The following ABCC8 variants were observed in gnomAD, a reference collection of about 807,000 sequenced individuals.
ABCC8 encodes ATP binding cassette subfamily C member 8.
Under a neutral mutation model 188.0 loss-of-function variants are expected in ABCC8, and 137 were observed. The observed-to-expected ratio is 0.73, with a 90% CI of 0.63 to 0.84. ABCC8 has a LOEUF of 0.84. ABCC8 is among the 40% of genes least tolerant of loss of function. The pLI is 0.00. For missense variants in ABCC8, 1,750 were observed against 2,072.7 expected, an observed-to-expected ratio of 0.84 and a Z score of 3.02; for synonymous variants, 797 against 846.5, an observed-to-expected ratio of 0.94 and a Z score of 1.01.
Position 17,476,618 on chromosome 11 carries a change from C to A in ABCC8, c.148+11G>T. The A allele has an allele frequency of 1.2e-6, 2 of 1,610,024 alleles. No individual in the cohort carries two copies. The highest frequency in any genetic ancestry group is 2.2e-5 in the South Asian group (2 of 90,434). On this transcript the variant is annotated intron_variant, in intron 1 of 38. Coordinates refer to ENST00000389817, the MANE Select transcript of ABCC8 (RefSeq NM_000352.6). ...CCGTCCCCTCCTCCGCGGCTCGCTGCGCGCACTCACCAATGAAGAGGATGG... is the reference window on the plus strand; with the variant it reads ...CCGTCCCCTCCTCCGCGGCTCGCTGAGCGCACTCACCAATGAAGAGGATGG...
intron 20 of ABCC8, 67 bp from the exon 21 acceptor site, chr11:17,412,813 T>C (rs1554916257): frequency 6.4e-7 from 1 of 1,558,686 alleles, no homozygotes; most frequent in East Asian, 2.4e-5. Context: ...TGTACCCTAC[T>C]GGACTATGAG....
intron 8 of ABCC8, among the ~76,000 whole-genome samples, chr11:17,445,652 G>A (rs1426694942): frequency 6.6e-6 from 1 of 152,228 alleles, no homozygotes; most frequent in Non-Finnish European, 1.5e-5. Context: ...GGCTGGGATT[G>A]TATTAACTCC....
intron 6 of ABCC8, among the ~76,000 whole-genome samples, chr11:17,459,427 C>T (rs546335481): frequency 4.6e-5 from 7 of 152,294 alleles, no homozygotes; most frequent in Middle Eastern, 3.4e-3. Flanking sequence ...TCAGACTCAA[C>T]GTATCTCATA....
intron 3 of ABCC8, among the ~76,000 whole-genome samples, chr11:17,466,906 T>A (rs1848185810): frequency 6.6e-6 from 1 of 152,138 alleles, no homozygotes; most frequent in Non-Finnish European, 1.5e-5. Flanking sequence ...GCTCAAGCAA[T>A]TCACCTGCCT....
intron 8 of ABCC8, among the ~76,000 whole-genome samples, chr11:17,447,360 A>G (rs1334935281): frequency 2.0e-5 from 3 of 152,174 alleles, no homozygotes; most frequent in Non-Finnish European, 2.9e-5. Context: ...ATTGGGGGGT[A>G]ATGTACCTCT....
At chr11:17,454,212 C>T (rs982645461) in intron 6 of ABCC8, among the ~76,000 whole-genome samples, 1 of 152,126 alleles carries the variant, frequency 6.6e-6, no homozygotes, top group Non-Finnish European at 1.5e-5. Flanking sequence ...CAGAATCAGG[C>T]AGAGAGGGCC....
At chr11:17,473,120 G>A (rs1456554671) in intron 2 of ABCC8, among the ~76,000 whole-genome samples, 1 of 152,292 alleles carries the variant, frequency 6.6e-6, no homozygotes, top group Non-Finnish European at 1.5e-5. Flanking sequence ...CTTGTGCAAA[G>A]TCCCATAGCT....
chr11:17,450,696 T>C (rs537644275), intron 7 of ABCC8, among the ~76,000 whole-genome samples: 21 of 128,904 alleles, frequency 1.6e-4, no homozygotes, highest in African/African-American at 6.2e-4. Context: ...TTTTTTTTTT[T>C]TTTTTTTTTT....
intron 10 of ABCC8, among the ~76,000 whole-genome samples, chr11:17,433,821 C>T (rs1031493683): frequency 1.3e-5 from 2 of 152,164 alleles, no homozygotes; most frequent in African/African-American, 4.8e-5. Flanking sequence ...AATTTCTCTG[C>T]CCGTGAGGCT....
chr11:17,473,893 A>G (rs1848616962), intron 2 of ABCC8, among the ~76,000 whole-genome samples: 1 of 152,162 alleles, frequency 6.6e-6, no homozygotes, highest in African/African-American at 2.4e-5. Context: ...GCTGGGATTC[A>G]CAGTCCTCCT....
At chr11:17,446,457 G>A (rs1362271667) in intron 8 of ABCC8, among the ~76,000 whole-genome samples, 1 of 151,996 alleles carries the variant, frequency 6.6e-6, no homozygotes, top group Non-Finnish European at 1.5e-5. Context: ...AAAAAAAATT[G>A]TGTTAGAGAT....
chr11:17,415,297 G>C lies in ABCC8; in HGVS notation c.2291+7C>G. Reference sequence around the variant, plus strand: ...CCCTGGGGGGCAATGTTCCCAGGACGCAGTACCTGATATCCAAGTCGGTCG... The same window carrying C: ...CCCTGGGGGGCAATGTTCCCAGGACCCAGTACCTGATATCCAAGTCGGTCG... On this transcript the variant is annotated splice_region_variant and intron_variant, in intron 18 of 38. Coordinates refer to ENST00000389817, the MANE Select transcript of ABCC8 (RefSeq NM_000352.6). 1 of 1,607,914 alleles carries C rather than the reference G, an allele frequency of 6.2e-7. No individual in the cohort carries two copies. Among genetic ancestry groups the C allele is most frequent in the East Asian group, 2.2e-5 (1 of 44,742 alleles).
chr11:17,470,966 C>T (rs1391752854), intron 2 of ABCC8, among the ~76,000 whole-genome samples: 1 of 152,218 alleles, frequency 6.6e-6, no homozygotes, highest in South Asian at 2.1e-4. Flanking sequence ...TTCCACAGCT[C>T]CCTCCTGCAG....
intron 6 of ABCC8, 49 bp downstream of exon 6, chr11:17,460,439 A>G (rs748642651): frequency 6.2e-7 from 1 of 1,613,046 alleles, no homozygotes; most frequent in South Asian, 1.1e-5. Context: ...CTCAGAAACA[A>G]CTGAAAACCA....
chr11:17,439,977 C>G (rs954989081), intron 10 of ABCC8, among the ~76,000 whole-genome samples: 1 of 152,230 alleles, frequency 6.6e-6, no homozygotes, highest in African/African-American at 2.4e-5. Flanking sequence ...GGAACTCACA[C>G]ATCTTTTGAT....
chr11:17,396,124 A>G lies in ABCC8; in HGVS notation c.4120-194T>C, dbSNP rs1020717732. 26 of 1,315,842 alleles carry G rather than the reference A, an allele frequency of 2.0e-5. No individual in the cohort carries two copies. The African/African-American group carries it at 3.5e-4, about 18-fold the overall frequency. The allele number at this position is 1,315,842 out of a possible 1,614,324, so 81.5% of individuals were successfully genotyped here. A position where few individuals can be genotyped will look rare whatever the true frequency, so the allele number is the denominator to read the frequency against. Reference sequence around the variant, plus strand: ...CAGTGGGTCCAGAGAGGGCTTACACAGGGACCGGCACGCAAGTGCAGGCAT... The same window carrying G: ...CAGTGGGTCCAGAGAGGGCTTACACGGGGACCGGCACGCAAGTGCAGGCAT... On this transcript the variant is annotated intron_variant, in intron 33 of 38. Transcript: ENST00000389817.
Position 17,427,941 on chromosome 11 carries a change from A to G in ABCC8, c.2042T>C (p.Ile681Thr), listed in dbSNP as rs137984699. The G allele has an allele frequency of 2.5e-6, 4 of 1,613,600 alleles. No individual in the cohort carries two copies. The highest frequency in any genetic ancestry group is 2.7e-5 in the African/African-American group (2 of 74,900). ...GGTCCACGTGAAGTAGCCTCCCATG[A>G]TCTTCATTAGGCGTGTCCCACCGCC... ...DGDADNCCVQ[I>T]MGGYFTWTPD... The change falls in exon 15 of 39, where the codon ATC (isoleucine) becomes ACC (threonine). Residue 681 changes from isoleucine to threonine, a missense_variant and splice_region_variant. Physicochemically the swap from Ile to Thr is moderately conservative, Grantham distance 89 (BLOSUM62 -1). Coordinates refer to ENST00000389817, the MANE Select transcript of ABCC8 (RefSeq NM_000352.6). This position sits in a 1 kb window ranked among gnomAD's most constrained non-coding sequence, Gnocchi z 5.0.
chr11:17,425,740 G>A (rs1043073966), intron 16 of ABCC8, among the ~76,000 whole-genome samples: 2 of 152,050 alleles, frequency 1.3e-5, no homozygotes, highest in African/African-American at 4.8e-5. Context: ...GAACGTGCAG[G>A]TTTGTTACAT....
At chr11:17,429,031 A>G (rs987476745) in intron 12 of ABCC8, 1 of 324,598 alleles carries the variant, frequency 3.1e-6, no homozygotes, top group Non-Finnish European at 5.8e-6. Flanking sequence ...AATAGCTAGT[A>G]TTTTGTGAGC....
Sources: allele counts gnomAD v4.1 joint callset (sites outside exome capture counted in the v4.1 genomes callset), GRCh38; gene constraint gnomAD v4.1.1; non-coding constraint Gnocchi (gnomAD v3.1); transcripts MANE v1.5; gene names NCBI Gene and HGNC (gene_info 2026-07-23, HGNC 2026-07-21).